Variants in PIK3AP1 observed in about 807,000 individuals in gnomAD.
PIK3AP1 encodes phosphoinositide 3-kinase adapter protein 1.
Under a neutral mutation model 88.1 loss-of-function variants are expected in PIK3AP1, and 21 were observed. The observed-to-expected ratio is 0.24, with a 90% CI of 0.17 to 0.34. The LOEUF is 0.34. Among genes scored for constraint, PIK3AP1 ranks in the 10% least tolerant of loss-of-function variants. The probability of loss-of-function intolerance (pLI) is 1.00; values close to 1 mark genes in which losing one functional copy is unlikely to be tolerated. For synonymous variants in PIK3AP1, 398 were observed against 400.0 expected (o/e 1.00, Z 0.06); for missense variants, 828 against 1,035.7 (o/e 0.80, Z 2.75).
At chr10:96,680,495 C>T (rs559409414) in intron 2 of PIK3AP1, among the ~76,000 whole-genome samples, 12 of 152,232 alleles carry the variant, frequency 7.9e-5, no homozygotes, top group African/African-American at 2.9e-4. Flanking sequence ...GTGTCTGTTT[C>T]TCCCCTCTAT....
intron 2 of PIK3AP1, among the ~76,000 whole-genome samples, chr10:96,680,833 G>A (rs1282317443): frequency 6.6e-6 from 1 of 152,178 alleles, no homozygotes; most frequent in Non-Finnish European, 1.5e-5. Context: ...GATTTCTGCT[G>A]TGCTGCACTA....
chr10:96,616,682 G>C lies in PIK3AP1; in HGVS notation c.1971C>G (p.Ile657Met). The change falls in exon 13 of 17, where the codon ATC (isoleucine) becomes ATG (methionine). Residue 657 changes from isoleucine (I) to methionine (M), a missense_variant. This residue lies in a region of PIK3AP1 where 191 missense variants were observed against 208.6 expected (regional missense o/e 0.92). Coordinates refer to ENST00000339364, the MANE Select transcript of PIK3AP1 (RefSeq NM_152309.3). ...QENLKRLRDSITRRQREKQKS... is the reference protein window; with the variant it reads ...QENLKRLRDSMTRRQREKQKS... The stretch of plus-strand genomic sequence containing the variant: ...TTTGCTTCTCTCTCTGTCTTCGGGT[G>C]ATGCTGTCTCTTAGCCGTTTAAGAT... The C allele has an allele frequency of 6.2e-7, 1 of 1,614,170 alleles. No homozygotes were observed. The highest frequency in any genetic ancestry group is 8.5e-7 in the Non-Finnish European group (1 of 1,180,024).
intron 2 of PIK3AP1, among the ~76,000 whole-genome samples, chr10:96,691,744 T>C (rs780826661): frequency 4.6e-5 from 7 of 152,216 alleles, no homozygotes; most frequent in Non-Finnish European, 8.8e-5. Context: ...ACTTAACCCA[T>C]GTTAGTGGCT....
rs1489548122 is a variant in PIK3AP1 at position 96,652,813 on chromosome 10, T to A, written c.597A>T (p.Arg199Ser). 5.6e-6 allele frequency: 9 copies of A among 1,614,012 alleles called. No homozygotes were observed. The highest frequency in any genetic ancestry group is 7.6e-6 in the Non-Finnish European group (9 of 1,180,018). The change falls in exon 4 of 17, where the codon AGA (arginine) becomes AGT (serine). Residue 199 changes from arginine to serine, a missense_variant. By Grantham distance (110) the Arg-to-Ser change is moderately radical (BLOSUM62 -1). Transcript: ENST00000339364. The part of the protein sequence containing the change: ...GAETTVYVIV[R>S]CKLDDRVATE... ...TCGCCACCCTGTCATCCAGCTTACATCTCACAATAACATAGACAGTGGTTT... is the reference window on the plus strand; with the variant it reads ...TCGCCACCCTGTCATCCAGCTTACAACTCACAATAACATAGACAGTGGTTT...
At chr10:96,641,422 T>C (rs1843387900) in intron 8 of PIK3AP1, among the ~76,000 whole-genome samples, 1 of 152,206 alleles carries the variant, frequency 6.6e-6, no homozygotes, top group Non-Finnish European at 1.5e-5. Flanking sequence ...AAAGCCTGTT[T>C]GTCCTGTGAG....
chr10:96,631,935 A>G (rs1843250289), intron 8 of PIK3AP1, among the ~76,000 whole-genome samples: 1 of 152,000 alleles, frequency 6.6e-6, no homozygotes, highest in African/African-American at 2.4e-5. Context: ...ACAGAAAAGA[A>G]TGAGCACCAG....
chr10:96,660,313 C>T (rs917228795), intron 2 of PIK3AP1, among the ~76,000 whole-genome samples: 1 of 152,138 alleles, frequency 6.6e-6, no homozygotes, highest in Admixed American at 6.5e-5. Context: ...AAGACCTGAA[C>T]AGACACTTCA....
chr10:96,670,844 C>CGAGT, intron 2 of PIK3AP1, among the ~76,000 whole-genome samples: 1 of 152,288 alleles, frequency 6.6e-6, no homozygotes, highest in Middle Eastern at 3.4e-3. Flanking sequence ...ACTGAGAACA[C>CGAGT]GAGTGCCTGA....
At chr10:96,665,597 G>A (rs1843750381) in intron 2 of PIK3AP1, among the ~76,000 whole-genome samples, 1 of 152,250 alleles carries the variant, frequency 6.6e-6, no homozygotes, top group South Asian at 2.1e-4. Flanking sequence ...CGGTGTCTGG[G>A]CTCTTCATTT....
Position 96,645,462 on chromosome 10 carries a change from G to T in PIK3AP1, c.1375+11C>A. 2 of 1,611,226 alleles carry T rather than the reference G, an allele frequency of 1.2e-6. No individual in the cohort carries two copies. Among genetic ancestry groups the T allele is most frequent in the East Asian group, 4.5e-5 (2 of 44,810 alleles). On this transcript the variant is annotated intron_variant, in intron 8 of 16. Coordinates refer to ENST00000339364, the MANE Select transcript of PIK3AP1 (RefSeq NM_152309.3). The stretch of plus-strand genomic sequence containing the variant: ...AGAAAGGTGGAAGCAGAACTGGGTT[G>T]TGCTACTTACAGAGGTCTTCAGTGG...
chr10:96,620,644 G>C (rs1020611724), intron 11 of PIK3AP1, 87 bp from the exon 12 acceptor site: 23 of 1,138,088 alleles, frequency 2.0e-5, no homozygotes, highest in Admixed American at 1.7e-4. Context: ...CTGGTCACAG[G>C]CTCAAGAGGA....
rs1339295656 is a variant in PIK3AP1, at chr10:96,594,789, G to A, written c.*788C>T. 2.0e-5 allele frequency: 3 copies of A among 152,188 alleles called. No individual in the cohort carries two copies. Among genetic ancestry groups the A allele is most frequent in the Non-Finnish European group, 4.4e-5 (3 of 68,026 alleles). 9.4% of individuals were successfully genotyped at this position (152,188 alleles called of 1,614,324 possible). On this transcript the variant is annotated 3_prime_UTR_variant, in exon 17 of 17. Transcript: ENST00000339364. The surrounding 1 kb of genome is among the most constrained non-coding windows in gnomAD (Gnocchi z 4.6). ...AATTGGAAAGAAAACAAACAAACTT[G>A]GTAGTCTCATGCCTGGGAGATACGG...
intron 2 of PIK3AP1, among the ~76,000 whole-genome samples, chr10:96,695,461 T>G (rs1230282702): frequency 1.3e-5 from 2 of 152,196 alleles, no homozygotes; most frequent in Non-Finnish European, 2.9e-5. Flanking sequence ...GCATTTTCAT[T>G]TCATCATCAG....
At chr10:96,670,776 G>A (rs1843834757) in intron 2 of PIK3AP1, among the ~76,000 whole-genome samples, 1 of 152,144 alleles carries the variant, frequency 6.6e-6, no homozygotes. Flanking sequence ...GCTTGTTTTT[G>A]AAATAATTCC....
rs138047705 is a variant in PIK3AP1, at chr10:96,645,478, T to C, written c.1370A>G (p.Asp457Gly). The C allele has an allele frequency of 6.3e-4, 1,021 of 1,612,976 alleles. No individual in the cohort carries two copies. Among genetic ancestry groups the C allele is most frequent in the Non-Finnish European group, 7.9e-4 (937 of 1,179,644 alleles). Residue 457 changes from aspartate (D) to glycine (G), a missense_variant, in exon 8 of 17, where the codon GAC (aspartate) becomes GGC (glycine). Transcript: ENST00000339364. Reference protein sequence around the residue: ...MAAFVPAATEDLYVEMLQAST... With the variant: ...MAAFVPAATEGLYVEMLQAST... ...AACTGGGTTGTGCTACTTACAGAGG[T>C]CTTCAGTGGCAGCTGGGACAAAGGC... is the stretch of plus-strand genomic sequence containing the variant.
intron 3 of PIK3AP1, among the ~76,000 whole-genome samples, chr10:96,654,695 G>A (rs1366716190): frequency 6.6e-6 from 1 of 152,204 alleles, no homozygotes; most frequent in Non-Finnish European, 1.5e-5. Flanking sequence ...ATAACAGGCA[G>A]TCAAGATAGG....
chr10:96,615,688 G>C (rs967200231), intron 13 of PIK3AP1, among the ~76,000 whole-genome samples: 1 of 152,154 alleles, frequency 6.6e-6, no homozygotes, highest in African/African-American at 2.4e-5. Context: ...TACTGAGAAG[G>C]GGCTGCCAGG....
chr10:96,688,908 G>A (rs1844113158), intron 2 of PIK3AP1, among the ~76,000 whole-genome samples: 1 of 151,440 alleles, frequency 6.6e-6, no homozygotes, highest in African/African-American at 2.4e-5. Flanking sequence ...CATCTTTCAC[G>A]TAGGTAGGAT....
chr10:96,696,989 A>G (rs975310192), intron 2 of PIK3AP1, among the ~76,000 whole-genome samples: 1 of 152,182 alleles, frequency 6.6e-6, no homozygotes, highest in Admixed American at 6.5e-5. Context: ...ATGTCAACAT[A>G]TTTTTCCCAT....
Sources: gnomAD v4.1 joint callset for allele counts (sites outside exome capture counted in the v4.1 genomes callset) on GRCh38, gnomAD v4.1.1 for gene constraint, gnomAD v4.1.1 regional missense constraint, Gnocchi (gnomAD v3.1) non-coding constraint, MANE v1.5 for transcripts, NCBI Gene and HGNC (gene_info 2026-07-23, HGNC 2026-07-21) for gene names.